FBXO15: variants seen among roughly 807,000 people sequenced by gnomAD.
FBXO15 encodes F-box only protein 15.
A neutral mutation model predicts 49.5 loss-of-function variants in FBXO15; 30 were observed. The observed-to-expected ratio is 0.61, with a 90% CI of 0.45 to 0.82. The LOEUF (loss-of-function observed/expected upper bound fraction) is 0.82. Ranked by LOEUF, FBXO15 falls within the 40% of genes least tolerant of loss-of-function variation. FBXO15 has a pLI of 0.00. For synonymous variants in FBXO15, 250 were observed against 232.7 expected (o/e 1.07, Z -0.68); for missense variants, 591 against 631.5 (o/e 0.94, Z 0.69).
At chr18:74,115,938 T>G (rs1914213319) in intron 8 of FBXO15, among the ~76,000 whole-genome samples, 1 of 152,206 alleles carries the variant, frequency 6.6e-6, no homozygotes, top group South Asian at 2.1e-4. Flanking sequence ...CACTGTAGTT[T>G]CAGAGTGGTT....
chr18:74,135,963 G>A, intron 2 of FBXO15, 97 bp from the exon 3 acceptor site: 2 of 916,862 alleles, frequency 2.2e-6, no homozygotes, highest in Non-Finnish European at 3.3e-6. Flanking sequence ...TCTCTAAATA[G>A]AAGGCCGTAG....
chr18:74,126,644 T>C (rs1914722666), intron 5 of FBXO15, among the ~76,000 whole-genome samples: 2 of 152,180 alleles, frequency 1.3e-5, no homozygotes, highest in South Asian at 2.1e-4. Context: ...AGTGTTTTCA[T>C]AAAGGAGACA....
intron 8 of FBXO15, among the ~76,000 whole-genome samples, chr18:74,083,753 G>A (rs900164960): frequency 6.6e-6 from 1 of 152,144 alleles, no homozygotes; most frequent in Non-Finnish European, 1.5e-5. Context: ...CCAACCCTCT[G>A]TAACCACTTA....
chr18:74,078,787 G>C (rs1292681162), intron 9 of FBXO15: 1 of 152,432 alleles, frequency 6.6e-6, no homozygotes, highest in African/African-American at 2.4e-5. Flanking sequence ...CTCCTCACCT[G>C]CGCTCCCATG....
rs146108914 is a variant in FBXO15, at chr18:74,079,876, G to A, written c.1263+2051C>T. On this transcript the variant is annotated intron_variant, in intron 9 of 9. Coordinates refer to ENST00000419743, the MANE Select transcript of FBXO15 (RefSeq NM_001142958.2). ...GACTGCACATCACTTCAACCAACACGACACAACTAGGCAGCATCCTCCGTC... is the reference window on the plus strand; with the variant it reads ...GACTGCACATCACTTCAACCAACACAACACAACTAGGCAGCATCCTCCGTC... 1.3e-3 allele frequency among the ~76,000 whole-genome samples: 192 copies of A among 152,196 alleles called. 1 individual carries two copies. The highest frequency in any genetic ancestry group is 5.8e-3 in the South Asian group (28 of 4,808).
At chr18:74,099,862 T>C (rs1568164053) in intron 8 of FBXO15, 1 of 151,954 alleles carries the variant, frequency 6.6e-6, no homozygotes, top group Non-Finnish European at 1.5e-5. Context: ...AACAGGAAAA[T>C]ATCACAGTCC....
chr18:74,094,499 C>A (rs1913194805), intron 8 of FBXO15, among the ~76,000 whole-genome samples: 1 of 152,172 alleles, frequency 6.6e-6, no homozygotes, highest in South Asian at 2.1e-4. Context: ...AATAAAATAT[C>A]TTTTCTTTAT....
At chr18:74,108,924 G>T (rs893506011) in intron 8 of FBXO15, among the ~76,000 whole-genome samples, 1 of 152,160 alleles carries the variant, frequency 6.6e-6, no homozygotes, top group African/African-American at 2.4e-5. Flanking sequence ...ATTAAGTGTT[G>T]AGAGAAAAAA....
chr18:74,080,742 C>T (rs1321463486), intron 9 of FBXO15, among the ~76,000 whole-genome samples: 1 of 152,240 alleles, frequency 6.6e-6, no homozygotes, highest in Admixed American at 6.5e-5. Context: ...TTTTAATGAT[C>T]AGAACTGGGA....
chr18:74,097,708 T>C (rs1913340700), intron 8 of FBXO15: 2 of 152,276 alleles, frequency 1.3e-5, no homozygotes, highest in African/African-American at 2.4e-5. Flanking sequence ...GCATATACTC[T>C]TGGGAGTTCT....
At chr18:74,128,931 T>G (rs28535817) in intron 5 of FBXO15, among the ~76,000 whole-genome samples, 1 of 152,158 alleles carries the variant, frequency 6.6e-6, no homozygotes, top group Non-Finnish European at 1.5e-5. Flanking sequence ...TTCCATTTCA[T>G]AGAGGAGAGA....
intron 2 of FBXO15, among the ~76,000 whole-genome samples, chr18:74,139,396 T>C (rs901546543): frequency 6.6e-6 from 1 of 152,238 alleles, no homozygotes; most frequent in African/African-American, 2.4e-5. Flanking sequence ...TCATATCAGA[T>C]GCCTGTAAAA....
At chr18:74,122,411 C>G (rs1343518826) in intron 8 of FBXO15, among the ~76,000 whole-genome samples, 1 of 152,218 alleles carries the variant, frequency 6.6e-6, no homozygotes, top group Non-Finnish European at 1.5e-5. Context: ...AGCATTTGCT[C>G]TGCCTTTATA....
chr18:74,080,015 T>C (rs959923514), intron 9 of FBXO15, among the ~76,000 whole-genome samples: 2 of 152,220 alleles, frequency 1.3e-5, no homozygotes, highest in Non-Finnish European at 2.9e-5. Context: ...TAGTAGAAGC[T>C]CCTCACCAGA....
intron 8 of FBXO15, among the ~76,000 whole-genome samples, chr18:74,114,231 T>A (rs1477736911): frequency 1.3e-5 from 2 of 152,172 alleles, no homozygotes; most frequent in African/African-American, 4.8e-5. Flanking sequence ...TGAGCTCTCA[T>A]TAGAGCTGTC....
intron 4 of FBXO15, among the ~76,000 whole-genome samples, chr18:74,130,093 T>G (rs930883235): frequency 6.6e-6 from 1 of 152,204 alleles, no homozygotes; most frequent in Admixed American, 6.5e-5. Context: ...TAAATCATCT[T>G]GAGATTACTT....
At position 74,129,634 on chromosome 18, in the gene FBXO15, C is replaced by T. The variant is rs375081838; in HGVS notation, c.576-20G>A. 2 of 1,562,084 alleles carry T rather than the reference C, an allele frequency of 1.3e-6. No individual in the cohort carries two copies. Among genetic ancestry groups the T allele is most frequent in the African/African-American group, 1.4e-5 (1 of 72,806 alleles). On this transcript the variant is annotated intron_variant, in intron 4 of 9. Coordinates refer to ENST00000419743, the MANE Select transcript of FBXO15 (RefSeq NM_001142958.2). The stretch of plus-strand genomic sequence containing the variant: ...AATATTCTGGAGAAAGAAAAAAAAA[C>T]TAACAATGTTTGCCTCATTGAAAAA...
At chr18:74,127,172 C>A (rs1241546865) in intron 5 of FBXO15, among the ~76,000 whole-genome samples, 1 of 152,142 alleles carries the variant, frequency 6.6e-6, no homozygotes, top group Non-Finnish European at 1.5e-5. Context: ...CTCAATAAAT[C>A]GCAGTCCCTG....
At chr18:74,096,057 A>G (rs1310092582) in intron 8 of FBXO15, among the ~76,000 whole-genome samples, 1 of 152,140 alleles carries the variant, frequency 6.6e-6, no homozygotes, top group African/African-American at 2.4e-5. Flanking sequence ...CCTGCAACTC[A>G]TGGTCTCCAC....
Sources: allele counts gnomAD v4.1 joint callset (sites outside exome capture counted in the v4.1 genomes callset), GRCh38; gene constraint gnomAD v4.1.1; transcripts MANE v1.5; gene names NCBI Gene and HGNC (gene_info 2026-07-23, HGNC 2026-07-21).